GLYR1: variants seen among roughly 807,000 people sequenced by gnomAD.
GLYR1 encodes the protein glyoxylate reductase 1 homolog.
In GLYR1, 21 loss-of-function variants were observed where a neutral mutation model predicts 72.7. That is an observed-to-expected ratio of 0.29 (90% CI 0.20 to 0.42). The LOEUF (loss-of-function observed/expected upper bound fraction) is 0.42. Among genes scored for constraint, GLYR1 ranks in the 10% least tolerant of loss-of-function variants. The pLI is 1.00. For synonymous variants in GLYR1, 392 were observed against 270.2 expected, an observed-to-expected ratio of 1.45 and a Z score of -4.42; for missense variants, 594 against 712.1, an observed-to-expected ratio of 0.83 and a Z score of 1.89.
intron 11 of GLYR1, chr16:4,814,067 A>ATT (rs1309164804): frequency 3.0e-6 from 1 of 334,496 alleles, no homozygotes; most frequent in African/African-American, 3.2e-5. Flanking sequence ...TTTTATTTAA[A>ATT]AAAAAAAAAA....
In GLYR1 at chr16:4,832,309, A is replaced by G. The variant is rs889213520; in HGVS notation, c.295-88T>C. 18 of 1,498,702 alleles carry G rather than the reference A, an allele frequency of 1.2e-5. No individual in the cohort carries two copies. In the African/African-American group the frequency reaches 2.3e-4, roughly 19 times the overall value. The allele number at this position is 1,498,702 out of a possible 1,614,324, so 92.8% of individuals were successfully genotyped here. A position where few individuals can be genotyped will look rare whatever the true frequency, so the allele number is the denominator to read the frequency against. On this transcript the variant is annotated intron_variant, in intron 4 of 15. Transcript: ENST00000321919. The stretch of plus-strand genomic sequence containing the variant: ...ATTTACAGGTGCCATGTGCTGCTAC[A>G]GGCACTCTGTGTGGTCTCCTCACAA...
At position 4,821,555 on chromosome 16, in the gene GLYR1, A is replaced by C. The variant is rs780758604; in HGVS notation, c.724T>G (p.Cys242Gly). Residue 242 changes from cysteine (C) to glycine (G), a missense_variant, in exon 8 of 16, where the codon TGT becomes GGT. Transcript: ENST00000321919. Reference sequence around the variant, plus strand: ...GCATGGAGCCTACATACCTCTTCACATATTTTCAACTTCTTCGTGATTGCC... The same window carrying C: ...GCATGGAGCCTACATACCTCTTCACCTATTTTCAACTTCTTCGTGATTGCC... ...YQAITKKLKI[C>G]EEETGSTSIQ... The C allele has an allele frequency of 6.2e-7, 1 of 1,613,974 alleles. No individual in the cohort carries two copies. The highest frequency in any genetic ancestry group is 1.3e-5 in the African/African-American group (1 of 74,932).
chr16:4,811,084 GAC>G, intron 15 of GLYR1, 84 bp downstream of exon 15: 2 of 1,504,112 alleles, frequency 1.3e-6, no homozygotes, highest in African/African-American at 1.4e-5. Context: ...TAGCCTGGGT[GAC>G]AGAGTGAGAC....
intron 1 of GLYR1, among the ~76,000 whole-genome samples, 191 bp from the exon 2 acceptor site, chr16:4,846,401 A>G (rs1181034970): frequency 6.6e-6 from 1 of 152,270 alleles, no homozygotes; most frequent in Non-Finnish European, 1.5e-5. Flanking sequence ...CACAACGCAT[A>G]TCCATTCTTC....
intron 5 of GLYR1, 21 bp downstream of exon 5, chr16:4,831,958 A>G (rs1436130452): frequency 6.2e-7 from 1 of 1,608,498 alleles, no homozygotes; most frequent in Non-Finnish European, 8.5e-7. Flanking sequence ...TAATCCCGGA[A>G]GCTGCAGAGA....
chr16:4,822,850 G>C, intron 7 of GLYR1, 25 bp downstream of exon 7: 2 of 1,607,902 alleles, frequency 1.2e-6, no homozygotes, highest in Non-Finnish European at 1.7e-6. Flanking sequence ...CTGACCAAGG[G>C]CCAAGAGCCT....
chr16:4,823,020 C>T, intron 6 of GLYR1, 89 bp from the exon 7 acceptor site: 1 of 1,046,208 alleles, frequency 9.6e-7, no homozygotes, highest in East Asian at 2.4e-5. Context: ...CCTCTGGCTG[C>T]AACACCTCTG....
intron 9 of GLYR1, 150 bp downstream of exon 9, chr16:4,821,230 T>C (rs2084002009): frequency 4.0e-6 from 3 of 751,882 alleles, no homozygotes; most frequent in Non-Finnish European, 6.7e-6. Context: ...CTCCTGTCTT[T>C]ATCGATAAGA....
intron 10 of GLYR1, 65 bp downstream of exon 10, chr16:4,817,533 G>T (rs554468867): frequency 3.3e-6 from 3 of 922,598 alleles, no homozygotes; most frequent in African/African-American, 3.3e-5. Context: ...AACAGGGGGA[G>T]ATGTCCACTC....
chr16:4,846,152 C>A, intron 2 of GLYR1, 22 bp downstream of exon 2: 15 of 1,613,438 alleles, frequency 9.3e-6, no homozygotes, highest in Non-Finnish European at 1.3e-5. Context: ...CAGATCTCTT[C>A]CTTTAGTAGC....
chr16:4,831,926 C>T (rs534586433), intron 5 of GLYR1, 53 bp downstream of exon 5: 15 of 1,586,060 alleles, frequency 9.5e-6, no homozygotes, highest in Non-Finnish European at 1.3e-5. Context: ...CTTAACTCTA[C>T]CTTGTACTAA....
intron 3 of GLYR1, among the ~76,000 whole-genome samples, chr16:4,838,371 TAAG>T (rs2085301564): frequency 6.6e-6 from 1 of 151,912 alleles, no homozygotes; most frequent in South Asian, 2.1e-4. Context: ...TGTGAAAAAA[TAAG>T]AACCAGAAAG....
intron 12 of GLYR1, among the ~76,000 whole-genome samples, chr16:4,812,889 C>A (rs562926432): frequency 6.7e-6 from 1 of 150,032 alleles, no homozygotes; most frequent in Non-Finnish European, 1.5e-5. Flanking sequence ...CTCTGCCTCC[C>A]GGGTTCATGC....
At chr16:4,843,447 G>C (rs1187799089) in intron 3 of GLYR1, 3 of 1,219,802 alleles carry the variant, frequency 2.5e-6, no homozygotes, top group Non-Finnish European at 3.1e-6. Context: ...GAGGCACCAT[G>C]CCCGGCCAAA....
chr16:4,809,964 A>T (rs2083233259), intron 15 of GLYR1, among the ~76,000 whole-genome samples: 1 of 152,008 alleles, frequency 6.6e-6, no homozygotes, highest in African/African-American at 2.4e-5. Context: ...AACAAAAAAA[A>T]CCCAATACAG....
At chr16:4,822,988 T>C (rs2084137823) in intron 6 of GLYR1, 57 bp from the exon 7 acceptor site, 3 of 1,423,120 alleles carry the variant, frequency 2.1e-6, no homozygotes, top group East Asian at 2.3e-5. Flanking sequence ...GGTCACTTCC[T>C]TCTCCCTGGT....
intron 5 of GLYR1, among the ~76,000 whole-genome samples, chr16:4,830,202 T>G (rs1412356229): frequency 6.7e-6 from 1 of 148,926 alleles, no homozygotes; most frequent in Admixed American, 6.7e-5. Context: ...CATAAGCCAC[T>G]GCACCTGGCC....
At chr16:4,821,213 C>T (rs2084000761) in intron 9 of GLYR1, 167 bp downstream of exon 9, 1 of 697,032 alleles carries the variant, frequency 1.4e-6, no homozygotes, top group African/African-American at 1.8e-5. Context: ...ATTTACACAG[C>T]TTTTGACTCC....
At chr16:4,805,408 G>A in intron 15 of GLYR1, 98 bp from the exon 16 acceptor site, 5 of 989,244 alleles carry the variant, frequency 5.1e-6, no homozygotes, top group Non-Finnish European at 7.9e-6. Context: ...CCAGCAGGCA[G>A]TGCTGGAGCC....
Sources: allele counts gnomAD v4.1 joint callset (sites outside exome capture counted in the v4.1 genomes callset), GRCh38; gene constraint gnomAD v4.1.1; transcripts MANE v1.5; gene names NCBI Gene and HGNC (gene_info 2026-07-23, HGNC 2026-07-21).